C5orf24: variants seen among roughly 807,000 people sequenced by gnomAD.
The protein encoded by C5orf24 is UPF0461 protein C5orf24.
Under a neutral mutation model 9.8 loss-of-function variants are expected in C5orf24, and 4 were observed. That is an observed-to-expected ratio of 0.41 (90% CI 0.20 to 0.93). C5orf24 has a LOEUF of 0.93. Ranked by LOEUF, C5orf24 falls within the 40% of genes least tolerant of loss-of-function variation. The probability of loss-of-function intolerance (pLI) is 0.33; values close to 1 mark genes in which losing one functional copy is unlikely to be tolerated. For synonymous variants in C5orf24, 73 were observed against 81.3 expected, an observed-to-expected ratio of 0.90 and a Z score of 0.55; for missense variants, 170 against 236.9, an observed-to-expected ratio of 0.72 and a Z score of 1.85.
At chr5:134,834,333 G>A in the C5orf24 span, among the ~76,000 whole-genome samples, 1 of 152,112 alleles carries the variant, frequency 6.6e-6, no homozygotes, top group East Asian at 1.9e-4. Context: ...AGTGTCCTTG[G>A]CCTTTATCCC....
rs773207000 is a variant in C5orf24 at position 134,853,528 on chromosome 5, C to CTTTTT, written c.-3-1351_-3-1347dup. ...GACTTTGGACCTTCTTCTTCTTCTT[C>CTTTTT]TTTTTTTTTTTTTTTTTTTTTTTCT... On this transcript the variant is annotated intron_variant, in intron 1 of 1. Coordinates refer to ENST00000394976, the MANE Select transcript of C5orf24 (RefSeq NM_001135586.1). 2.5e-3 allele frequency among the ~76,000 whole-genome samples: 256 copies of CTTTTT among 104,220 alleles called. 1 individual carries two copies. The highest frequency in any genetic ancestry group is 5.0e-3 in the East Asian group (15 of 3,022). 68.4% of individuals were successfully genotyped at this position (104,220 alleles called of 152,430 possible). A position where few individuals can be genotyped will look rare whatever the true frequency, so the allele number is the denominator to read the frequency against.
At chr5:134,837,538 A>G in the C5orf24 span, among the ~76,000 whole-genome samples, 5 of 152,078 alleles carry the variant, frequency 3.3e-5, no homozygotes, top group Non-Finnish European at 5.9e-5. Flanking sequence ...GTTGAAACCT[A>G]ATTCCCAATT....
At chr5:134,847,497 T>C (rs1207521090) in intron 1 of C5orf24, among the ~76,000 whole-genome samples, 1 of 152,194 alleles carries the variant, frequency 6.6e-6, no homozygotes, top group Non-Finnish European at 1.5e-5. Context: ...TGTTTAACCA[T>C]GTTGACCAGG....
Position 134,858,219 on chromosome 5 carries a change from T to G in C5orf24, c.*2752T>G, listed in dbSNP as rs1338972279. 6.0e-6 allele frequency: 1 copy of G among 167,088 alleles called. No individual in the cohort carries two copies. The highest frequency in any genetic ancestry group is 1.5e-5 in the Non-Finnish European group (1 of 68,116). 10.4% of individuals were successfully genotyped at this position (167,088 alleles called of 1,614,324 possible). On this transcript the variant is annotated 3_prime_UTR_variant, in exon 2 of 2. Coordinates refer to ENST00000394976, the MANE Select transcript of C5orf24 (RefSeq NM_001135586.1). ...TCATCTGAGCGGTTACCTGGAGTAT[T>G]ATATCTATGCACTGGTGAGCATCTC...
At position 134,856,578 on chromosome 5, in the gene C5orf24, T is replaced by C. The variant is rs112436387; in HGVS notation, c.*1111T>C. ...ATTGCTTAAATCCAGGAGGCGGAGG[T>C]TGCAGTGAGCCAAGATTGTGCCACT... On this transcript the variant is annotated 3_prime_UTR_variant, in exon 2 of 2. Coordinates refer to ENST00000394976, the MANE Select transcript of C5orf24 (RefSeq NM_001135586.1). 2,594 of 405,594 alleles carry C rather than the reference T, an allele frequency of 6.4e-3. 55 individuals are homozygous for C. The highest frequency in any genetic ancestry group is 0.053 in the African/African-American group (2,423 of 45,680). 25.1% of individuals were successfully genotyped at this position (405,594 alleles called of 1,614,324 possible).
intron 1 of C5orf24, among the ~76,000 whole-genome samples, chr5:134,851,250 C>T (rs575056116): frequency 2.0e-5 from 3 of 152,122 alleles, no homozygotes; most frequent in African/African-American, 7.2e-5. Flanking sequence ...CTAATTCTGG[C>T]ATTTGCTTTT....
At chr5:134,843,054 G>T (rs534263276), upstream of C5orf24, among the ~76,000 whole-genome samples, 2 of 150,400 alleles carry the variant, frequency 1.3e-5, no homozygotes, top group Non-Finnish European at 3.0e-5. Context: ...TTGGCTCACC[G>T]CAACCTCCAC....
chr5:134,845,002 C>G (rs1038882447), upstream of C5orf24, among the ~76,000 whole-genome samples: 3 of 152,224 alleles, frequency 2.0e-5, no homozygotes, highest in Admixed American at 6.5e-5. Flanking sequence ...TCCCAAAGTG[C>G]TGGGATTACA....
chr5:134,844,591 C>T (rs902864143), upstream of C5orf24, among the ~76,000 whole-genome samples: 1 of 152,192 alleles, frequency 6.6e-6, no homozygotes, highest in African/African-American at 2.4e-5. Flanking sequence ...GCTTTGGCCT[C>T]CCAAAGTCCT....
upstream of C5orf24, among the ~76,000 whole-genome samples, chr5:134,841,171 G>T (rs1353123857): frequency 6.6e-6 from 1 of 152,058 alleles, no homozygotes; most frequent in Non-Finnish European, 1.5e-5. Context: ...AATTTTTTTG[G>T]ATTATGTTAT....
the C5orf24 span, among the ~76,000 whole-genome samples, chr5:134,840,121 A>G: frequency 1.3e-5 from 2 of 152,082 alleles, no homozygotes; most frequent in East Asian, 3.9e-4. Flanking sequence ...ATCCTGGCCG[A>G]AATGGTGAAA....
rs762710710 is a variant in C5orf24, at chr5:134,850,937, T to TATATAC, written c.-3-3960_-3-3959insTATACA. On this transcript the variant is annotated intron_variant, in intron 1 of 1. Transcript: ENST00000394976. ...GAATGTTCATATATATATATATATA[T>TATATAC]ACACACACACACACACACTACACAC... Among the ~76,000 whole-genome samples the TATATAC allele has an allele frequency of 4.7e-3, 692 of 147,050 alleles. 11 individuals carry two copies. The highest frequency in any genetic ancestry group is 0.013 in the African/African-American group (510 of 39,890).
At chr5:134,852,422 G>C (rs1756182945) in intron 1 of C5orf24, among the ~76,000 whole-genome samples, 1 of 152,210 alleles carries the variant, frequency 6.6e-6, no homozygotes, top group African/African-American at 2.4e-5. Context: ...CAATTGCTCT[G>C]TTGATTCTCA....
chr5:134,836,468 C>T, the C5orf24 span, among the ~76,000 whole-genome samples: 2 of 151,648 alleles, frequency 1.3e-5, no homozygotes, highest in South Asian at 2.1e-4. Context: ...CCACTGGGCC[C>T]GCCTGGCCTT....
Position 134,857,703 on chromosome 5 carries a change from T to C in C5orf24, c.*2236T>C. 1 of 265,024 alleles carries C rather than the reference T, an allele frequency of 3.8e-6. No homozygotes were observed. The highest frequency in any genetic ancestry group is 7.5e-6 in the Non-Finnish European group (1 of 133,714). The allele number at this position is 265,024 out of a possible 1,614,324, so 16.4% of individuals were successfully genotyped here. On this transcript the variant is annotated 3_prime_UTR_variant, in exon 2 of 2. Coordinates refer to ENST00000394976, the MANE Select transcript of C5orf24 (RefSeq NM_001135586.1). ...ATGTTCGTTACCTACTCTGTACATG[T>C]ATCTGTCATTTAGCTGTTTCTCAAG...
intron 1 of C5orf24, among the ~76,000 whole-genome samples, chr5:134,848,566 CAGG>C (rs1357769823): frequency 6.9e-6 from 1 of 145,816 alleles, no homozygotes; most frequent in African/African-American, 2.5e-5. Context: ...GAGGCTGAGG[CAGG>C]AGAATTGCTT....
the C5orf24 span, among the ~76,000 whole-genome samples, chr5:134,840,104 C>T: frequency 5.9e-5 from 9 of 152,114 alleles, no homozygotes; most frequent in East Asian, 5.8e-4. Context: ...GTCAGGAGAT[C>T]GAGACCATCC....
upstream of C5orf24, among the ~76,000 whole-genome samples, chr5:134,844,925 A>G (rs1039164241): frequency 1.3e-5 from 2 of 152,018 alleles, no homozygotes; most frequent in African/African-American, 4.8e-5. Flanking sequence ...TTTAGTAGAG[A>G]AGGGGTTTCA....
rs565008877 is a variant in C5orf24 at position 134,856,276 on chromosome 5, A to C, written c.*809A>C. The C allele has an allele frequency of 3.0e-5, 30 of 995,024 alleles. 1 individual carries two copies. The highest frequency in any genetic ancestry group is 2.4e-4 in the South Asian group (5 of 21,130). The allele number at this position is 995,024 out of a possible 1,614,324, so 61.6% of individuals were successfully genotyped here. On this transcript the variant is annotated 3_prime_UTR_variant, in exon 2 of 2. Coordinates refer to ENST00000394976, the MANE Select transcript of C5orf24 (RefSeq NM_001135586.1). ...AGCATATTTCATATAATAGAAAAAG[A>C]AGCATTCTCTAGGTTTGCATGTAGC...
Sources: gnomAD v4.1 joint callset for allele counts (sites outside exome capture counted in the v4.1 genomes callset) on GRCh38, gnomAD v4.1.1 for gene constraint, MANE v1.5 for transcripts, NCBI Gene and HGNC (gene_info 2026-07-23, HGNC 2026-07-21) for gene names.